RGL1: variants seen among roughly 807,000 people sequenced by gnomAD.
The protein encoded by RGL1 is ral guanine nucleotide dissociation stimulator-like 1.
RGL1 carries 24 observed loss-of-function variants against 95.2 expected under a neutral mutation model. The observed-to-expected ratio is 0.25, with a 90% CI of 0.18 to 0.35. The LOEUF (loss-of-function observed/expected upper bound fraction) is 0.35, where lower values mean the gene tolerates loss of function less well. Among genes scored for constraint, RGL1 ranks in the 10% least tolerant of loss-of-function variants. The pLI, the probability that RGL1 is intolerant of heterozygous loss-of-function variation, is 1.00. For missense variants in RGL1, 715 were observed against 936.3 expected, an observed-to-expected ratio of 0.76 and a Z score of 3.08; for synonymous variants, 329 against 344.9, an observed-to-expected ratio of 0.95 and a Z score of 0.51.
chr1:183,898,435 C>T (rs1283275575), intron 10 of RGL1, among the ~76,000 whole-genome samples: 2 of 152,230 alleles, frequency 1.3e-5, no homozygotes, highest in African/African-American at 4.8e-5. Context: ...AAAGGAGCAT[C>T]ATGCCTCCCT....
chr1:183,776,546 C>T (rs984335993), intron 2 of RGL1, among the ~76,000 whole-genome samples: 3 of 151,948 alleles, frequency 2.0e-5, no homozygotes, highest in African/African-American at 7.3e-5. Context: ...TTAGGAGATT[C>T]GGAAAAGCTA....
chr1:183,878,627 G>A (rs886429560), intron 4 of RGL1, among the ~76,000 whole-genome samples: 9 of 152,134 alleles, frequency 5.9e-5, no homozygotes, highest in African/African-American at 2.2e-4. Context: ...TGCTTTTTTA[G>A]TTTATGTACA....
chr1:183,845,749 T>C (rs1437275514), intron 2 of RGL1, among the ~76,000 whole-genome samples: 1 of 152,194 alleles, frequency 6.6e-6, no homozygotes, highest in African/African-American at 2.4e-5. Flanking sequence ...TCCATCTCCA[T>C]AGATTTCCAC....
chr1:183,664,901 A>G (rs963513728), intron 1 of RGL1, among the ~76,000 whole-genome samples: 1 of 152,198 alleles, frequency 6.6e-6, no homozygotes, highest in Admixed American at 6.5e-5. Context: ...TGTGTTAGCT[A>G]GGATTTCCAG....
intron 1 of RGL1, among the ~76,000 whole-genome samples, chr1:183,671,668 A>G (rs1026625453): frequency 6.6e-6 from 1 of 152,084 alleles, no homozygotes; most frequent in Non-Finnish European, 1.5e-5. Context: ...AAGAAATTTG[A>G]TATTTAAATT....
intron 17 of RGL1, among the ~76,000 whole-genome samples, chr1:183,924,781 TAAAAATACAA>T (rs1347121520): frequency 1.5e-4 from 16 of 106,536 alleles, no homozygotes; most frequent in Non-Finnish European, 2.3e-4. Flanking sequence ...CCGCCTCTAC[TAAAAATACAA>T]AAAAATACAA....
At chr1:183,817,850 C>T (rs1324917556) in intron 2 of RGL1, among the ~76,000 whole-genome samples, 1 of 152,152 alleles carries the variant, frequency 6.6e-6, no homozygotes, top group Non-Finnish European at 1.5e-5. Flanking sequence ...GTACTGTGAC[C>T]ATTTGAACCT....
chr1:183,769,964 A>G (rs1429156118), intron 2 of RGL1, among the ~76,000 whole-genome samples: 1 of 152,242 alleles, frequency 6.6e-6, no homozygotes, highest in African/African-American at 2.4e-5. Context: ...ACACTTCTCT[A>G]GATTGCAAAG....
intron 1 of RGL1, among the ~76,000 whole-genome samples, chr1:183,707,460 T>A (rs1260323297): frequency 6.6e-6 from 1 of 152,158 alleles, no homozygotes; most frequent in Non-Finnish European, 1.5e-5. Flanking sequence ...AAGTGGGCAC[T>A]CTAGCACAGG....
intron 1 of RGL1, chr1:183,646,995 A>G (rs1261942811): frequency 6.6e-6 from 1 of 152,246 alleles, no homozygotes; most frequent in East Asian, 1.9e-4. Context: ...CTTGGATTTT[A>G]TACAGTATGT....
chr1:183,641,562 CA>C, intron 1 of RGL1, among the ~76,000 whole-genome samples: 1 of 152,126 alleles, frequency 6.6e-6, no homozygotes, highest in Non-Finnish European at 1.5e-5. Context: ...GAGCCCCCCC[CA>C]CCATACCTGG....
chr1:183,888,722 C>A, intron 8 of RGL1, 145 bp downstream of exon 8: 2 of 599,182 alleles, frequency 3.3e-6, no homozygotes, highest in Non-Finnish European at 6.0e-6. Flanking sequence ...GCATCTTACA[C>A]ATAATCATTA....
At chr1:183,767,437 G>A (rs1020979265) in intron 2 of RGL1, among the ~76,000 whole-genome samples, 1 of 152,074 alleles carries the variant, frequency 6.6e-6, no homozygotes, top group African/African-American at 2.4e-5. Flanking sequence ...AGCACGTGAC[G>A]GATATTTTGC....
chr1:183,720,042 A>G (rs142587764), intron 1 of RGL1, among the ~76,000 whole-genome samples: 1 of 152,312 alleles, frequency 6.6e-6, no homozygotes, highest in African/African-American at 2.4e-5. Flanking sequence ...GGGAAGTATG[A>G]TTAAAGAAAC....
chr1:183,788,087 C>T lies in RGL1; in HGVS notation c.133-18288C>T, dbSNP rs150113922. On this transcript the variant is annotated intron_variant, in intron 2 of 18. Transcript: ENST00000304685. The stretch of plus-strand genomic sequence containing the variant: ...CCACACTCACTTGCTTCCCTTTTAC[C>T]TGCTTACTTTGTTCATTCCCTTGTT... Among the ~76,000 whole-genome samples the T allele has an allele frequency of 3.3e-3, 502 of 152,330 alleles. 3 individuals carry two copies. The highest frequency in any genetic ancestry group is 0.012 in the African/African-American group (488 of 41,574).
intron 2 of RGL1, among the ~76,000 whole-genome samples, chr1:183,748,594 T>G (rs7535084): frequency 0.44 from 66,162 of 151,576 alleles, 15,561 homozygotes; most frequent in East Asian, 0.76. Flanking sequence ...TTTAGTAGAG[T>G]TGGGGGTCTC....
At chr1:183,657,904 C>A (rs1651300094) in intron 1 of RGL1, among the ~76,000 whole-genome samples, 2 of 152,194 alleles carry the variant, frequency 1.3e-5, no homozygotes, top group Non-Finnish European at 2.9e-5. Context: ...CACAGTCCCA[C>A]CAACAGTGTA....
At chr1:183,920,331 C>T (rs183080957) in intron 16 of RGL1, among the ~76,000 whole-genome samples, 217 of 152,262 alleles carry the variant, frequency 1.4e-3, no homozygotes, top group African/African-American at 4.4e-3. Context: ...CCACCTCACC[C>T]GTCCTAAAAA....
At chr1:183,854,387 A>G (rs986044615) in intron 3 of RGL1, among the ~76,000 whole-genome samples, 1 of 152,196 alleles carries the variant, frequency 6.6e-6, no homozygotes, top group Non-Finnish European at 1.5e-5. Context: ...GGTGGATTTA[A>G]GTAAGTATAG....
Sources: gnomAD v4.1 joint callset for allele counts (sites outside exome capture counted in the v4.1 genomes callset) on GRCh38, gnomAD v4.1.1 for gene constraint, MANE v1.5 for transcripts, NCBI Gene and HGNC (gene_info 2026-07-23, HGNC 2026-07-21) for gene names.